The following RANBP3 variants were observed in gnomAD, a reference collection of about 807,000 sequenced individuals.
RANBP3 encodes ran-binding protein 3.
In RANBP3, 14 loss-of-function variants were observed where a neutral mutation model predicts 77.3. The ratio of observed to expected loss-of-function variants is 0.18; its 90% CI spans 0.12 to 0.28. The LOEUF (loss-of-function observed/expected upper bound fraction) is 0.28, where lower values mean the gene tolerates loss of function less well. Ranked by LOEUF, RANBP3 falls within the 10% of genes least tolerant of loss-of-function variation. The pLI, the probability that RANBP3 is intolerant of heterozygous loss-of-function variation, is 1.00. For missense variants in RANBP3, 586 were observed against 752.3 expected, an observed-to-expected ratio of 0.78 and a Z score of 2.59; for synonymous variants, 315 against 312.4, an observed-to-expected ratio of 1.01 and a Z score of -0.09.
At chr19:5,961,943 G>T (rs982581589) in intron 1 of RANBP3, among the ~76,000 whole-genome samples, 4 of 151,538 alleles carry the variant, frequency 2.6e-5, no homozygotes, top group African/African-American at 9.7e-5. Context: ...AGAGCGCGTG[G>T]TTCCCCTTGT....
chr19:5,958,785 T>A lies in RANBP3; in HGVS notation c.23-812A>T, dbSNP rs1162658685. On this transcript the variant is annotated intron_variant, in intron 1 of 16. Transcript: ENST00000340578. This position sits in a 1 kb window ranked among gnomAD's most constrained non-coding sequence, Gnocchi z 4.4. ...CTCATGGCCTTGGGCCTGCATGCAC[T>A]TTGATGAACTCTGGGGGTGCTCCCA... Among the ~76,000 whole-genome samples, 1 of 152,238 alleles carries A rather than the reference T, an allele frequency of 6.6e-6. No homozygotes were observed. Among genetic ancestry groups the A allele is most frequent in the Non-Finnish European group, 1.5e-5 (1 of 68,036 alleles).
At chr19:5,932,420 TG>T in intron 7 of RANBP3, 31 bp downstream of exon 7, 1 of 1,596,012 alleles carries the variant, frequency 6.3e-7, no homozygotes, top group Non-Finnish European at 8.6e-7. Flanking sequence ...CCCTGCCGTC[TG>T]GGCCTGGGCG....
chr19:5,963,814 T>C (rs1325127892), intron 1 of RANBP3, among the ~76,000 whole-genome samples: 1 of 152,176 alleles, frequency 6.6e-6, no homozygotes, highest in Non-Finnish European at 1.5e-5. Context: ...TCAGGGGCAC[T>C]GTGCACCAAG....
At chr19:5,938,328 T>A (rs1184943338) in intron 5 of RANBP3, among the ~76,000 whole-genome samples, 1 of 152,120 alleles carries the variant, frequency 6.6e-6, no homozygotes, top group Non-Finnish European at 1.5e-5. Flanking sequence ...TGGAGTTGGT[T>A]CTCCAGTGAA....
At chr19:5,948,014 G>T (rs996355975) in intron 3 of RANBP3, among the ~76,000 whole-genome samples, 18 of 152,176 alleles carry the variant, frequency 1.2e-4, no homozygotes, top group Non-Finnish European at 2.4e-4. Flanking sequence ...TGTCCTCGGT[G>T]CCAAGGCGGC....
intron 5 of RANBP3, among the ~76,000 whole-genome samples, chr19:5,937,112 A>G (rs2058077044): frequency 2.0e-5 from 3 of 146,806 alleles, no homozygotes; most frequent in Admixed American, 1.4e-4. Flanking sequence ...GGCAGTCGTC[A>G]GCGGGAAACA....
At chr19:5,925,764 A>ACC in intron 9 of RANBP3, 27 bp from the exon 10 acceptor site, 1 of 1,136,550 alleles carries the variant, frequency 8.8e-7, no homozygotes, top group Non-Finnish European at 1.3e-6. Flanking sequence ...GCGCTCAGTA[A>ACC]TCGGGGGTGG....
Position 5,917,623 on chromosome 19 carries a change from G to T in RANBP3, c.1691C>A (p.Thr564Asn). The T allele has an allele frequency of 6.2e-7, 1 of 1,605,114 alleles. No individual in the cohort carries two copies. The highest frequency in any genetic ancestry group is 8.5e-7 in the Non-Finnish European group (1 of 1,178,602). ...GAGDEGDGQTTGST is the reference protein window; with the variant it reads ...GAGDEGDGQTNGST ...GGCTCCCGGCCGCTATGTGCTCCCG[G>T]TCGTCTGCCCGTCCCCTTCGTCACC... Residue 564 changes from threonine to asparagine, a missense_variant, in exon 17 of 17, where the codon ACC becomes AAC. By Grantham distance (65) the Thr-to-Asn change is moderately conservative (BLOSUM62 0). Transcript: ENST00000340578.
Position 5,927,869 on chromosome 19 carries a change from G to A in RANBP3, c.813+99C>T, listed in dbSNP as rs1003583819. On this transcript the variant is annotated intron_variant, in intron 9 of 16. Coordinates refer to ENST00000340578, the MANE Select transcript of RANBP3 (RefSeq NM_007322.3). ...CTCGCTAACACCTTCTTTGTCCCAC[G>A]CTCCCCTCCCCTGTTAAAAGGAAAA... The A allele has an allele frequency of 8.3e-6, 12 of 1,448,738 alleles. No homozygotes were observed. The East Asian group carries it at 9.6e-5, about 12-fold the overall frequency. The allele number at this position is 1,448,738 out of a possible 1,614,324, so 89.7% of individuals were successfully genotyped here.
intron 3 of RANBP3, among the ~76,000 whole-genome samples, chr19:5,944,069 A>G (rs1442636837): frequency 6.6e-6 from 1 of 152,220 alleles, no homozygotes; most frequent in Admixed American, 6.5e-5. Flanking sequence ...GGGATGCGTG[A>G]GGTGACAGGC....
intron 5 of RANBP3, among the ~76,000 whole-genome samples, chr19:5,939,650 C>A (rs933250354): frequency 6.6e-6 from 1 of 152,180 alleles, no homozygotes; most frequent in African/African-American, 2.4e-5. Flanking sequence ...GTGGGGTGGA[C>A]GCTCAGAGAT....
intron 2 of RANBP3, among the ~76,000 whole-genome samples, chr19:5,955,728 C>T (rs189195998): frequency 1.4e-3 from 207 of 152,300 alleles, no homozygotes; most frequent in Non-Finnish European, 2.7e-3. Flanking sequence ...GGGTCAGATA[C>T]TAAATATCTT....
chr19:5,961,397 C>CTGGGTGACA (rs776546623), intron 1 of RANBP3, among the ~76,000 whole-genome samples: 30 of 149,352 alleles, frequency 2.0e-4, no homozygotes, highest in Non-Finnish European at 3.4e-4. Flanking sequence ...GGTGACAGAG[C>CTGGGTGACA]GAGATTCCAT....
chr19:5,970,529 A>C (rs1023915747), intron 1 of RANBP3, among the ~76,000 whole-genome samples: 12 of 152,070 alleles, frequency 7.9e-5, no homozygotes, highest in Middle Eastern at 3.2e-3. Context: ...TTATCTTCTC[A>C]TGACTGGGAG....
intron 2 of RANBP3, among the ~76,000 whole-genome samples, chr19:5,956,555 G>C (rs1411241032): frequency 6.6e-6 from 1 of 152,184 alleles, no homozygotes; most frequent in East Asian, 1.9e-4. Flanking sequence ...CAATGGGAAA[G>C]TTTCATGAGT....
At chr19:5,965,732 C>A (rs558675233) in intron 1 of RANBP3, 1 of 152,336 alleles carries the variant, frequency 6.6e-6, no homozygotes, top group Non-Finnish European at 1.5e-5. Context: ...TCCTGTTTTA[C>A]CTCTTAGACT....
At chr19:5,947,611 GTC>G (rs1390336414) in intron 3 of RANBP3, among the ~76,000 whole-genome samples, 11 of 152,236 alleles carry the variant, frequency 7.2e-5, no homozygotes, top group African/African-American at 2.7e-4. Context: ...CCTTTGACTT[GTC>G]TCTCTGGCAC....
chr19:5,922,289 C>T (rs977545640), intron 13 of RANBP3, among the ~76,000 whole-genome samples: 12 of 152,192 alleles, frequency 7.9e-5, no homozygotes, highest in African/African-American at 2.9e-4. Context: ...ACATGGCTTT[C>T]CACATACCCC....
chr19:5,971,722 A>C (rs1415111278), intron 1 of RANBP3, among the ~76,000 whole-genome samples: 13 of 152,220 alleles, frequency 8.5e-5, no homozygotes, highest in Admixed American at 8.5e-4. Flanking sequence ...CTAAATCCTA[A>C]ATTACAGACC....
Sources: gnomAD v4.1 joint callset for allele counts (sites outside exome capture counted in the v4.1 genomes callset) on GRCh38, gnomAD v4.1.1 for gene constraint, Gnocchi (gnomAD v3.1) non-coding constraint, MANE v1.5 for transcripts, NCBI Gene and HGNC (gene_info 2026-07-23, HGNC 2026-07-21) for gene names.